Variants in TMEM230 observed in about 807,000 individuals in gnomAD.
TMEM230 encodes transmembrane protein 230, also known as UPF0414 transmembrane protein C20orf30.
Under a neutral mutation model 15.8 loss-of-function variants are expected in TMEM230, and 10 were observed. That is an observed-to-expected ratio of 0.63 (90% confidence interval 0.39 to 1.07). The LOEUF is 1.07. TMEM230 is among the 50% of genes least tolerant of loss of function. The probability of loss-of-function intolerance (pLI) is 0.01; values close to 1 mark genes in which losing one functional copy is unlikely to be tolerated. For synonymous variants in TMEM230, 67 were observed against 76.9 expected, an observed-to-expected ratio of 0.87 and a Z score of 0.68; for missense variants, 165 against 193.3, an observed-to-expected ratio of 0.85 and a Z score of 0.87.
intron 3 of TMEM230, among the ~76,000 whole-genome samples, chr20:5,076,522 A>AG (rs2089002500): frequency 6.6e-6 from 1 of 151,900 alleles, no homozygotes; most frequent in African/African-American, 2.4e-5. Flanking sequence ...GCCTGGCTGA[A>AG]AGTGAGACTC....
the TMEM230 span, among the ~76,000 whole-genome samples, chr20:5,060,159 G>C: frequency 6.6e-6 from 1 of 151,902 alleles, no homozygotes; most frequent in African/African-American, 2.4e-5. Context: ...CAATCCTCCC[G>C]CCTTGGCCTC....
chr20:5,098,567 A>G (rs1276917271), downstream of TMEM230: 1 of 152,148 alleles, frequency 6.6e-6, no homozygotes, highest in Admixed American at 6.5e-5. Context: ...CATAAATGAT[A>G]CTTCTGTAAC....
chr20:5,083,445 C>T (rs1328054527), intron 3 of TMEM230, among the ~76,000 whole-genome samples: 1 of 151,776 alleles, frequency 6.6e-6, no homozygotes, highest in East Asian at 1.9e-4. Flanking sequence ...GAATAGCTGT[C>T]GAATTTTGTC....
the TMEM230 span, among the ~76,000 whole-genome samples, chr20:5,060,063 C>A: frequency 6.6e-6 from 1 of 152,000 alleles, no homozygotes; most frequent in African/African-American, 2.4e-5. Context: ...TGAGCTACTG[C>A]TCCCAGCCAG....
intron 3 of TMEM230, among the ~76,000 whole-genome samples, chr20:5,093,844 G>T (rs1294272436): frequency 6.6e-6 from 1 of 151,176 alleles, no homozygotes. Flanking sequence ...AGCCTAAAAG[G>T]TCCCATTTAT....
At position 5,111,892 on chromosome 20, in the gene TMEM230, G is replaced by A. The variant is rs940381781; in HGVS notation, c.69-287C>T. On this transcript the variant is annotated intron_variant, in intron 1 of 4. Coordinates refer to ENST00000342308, the MANE Select transcript of TMEM230 (RefSeq NM_001009923.2). Reference sequence around the variant, plus strand: ...GACGGAGTCTCGCTCTGTCACCCAGGCTAGAGTTTAGGGACCCGATCTCAG... The same window carrying A: ...GACGGAGTCTCGCTCTGTCACCCAGACTAGAGTTTAGGGACCCGATCTCAG... 9.0e-6 allele frequency: 6 copies of A among 663,428 alleles called. No homozygotes were observed. In the African/African-American group the frequency reaches 1.2e-4, roughly 13 times the overall value. 41.1% of individuals were successfully genotyped at this position (663,428 alleles called of 1,614,324 possible). A position where few individuals can be genotyped will look rare whatever the true frequency, so the allele number is the denominator to read the frequency against.
chr20:5,060,080 T>C, the TMEM230 span, among the ~76,000 whole-genome samples: 1 of 152,036 alleles, frequency 6.6e-6, no homozygotes. Context: ...CCAGCTAATG[T>C]TTTTAATCTT....
chr20:5,110,583 G>A (rs1191554370), intron 2 of TMEM230, among the ~76,000 whole-genome samples: 1 of 152,144 alleles, frequency 6.6e-6, no homozygotes, highest in East Asian at 1.9e-4. Flanking sequence ...CGGGCCCCTT[G>A]TAAATTTGGA....
At chr20:5,059,121 G>T in the TMEM230 span, among the ~76,000 whole-genome samples, 1 of 151,980 alleles carries the variant, frequency 6.6e-6, no homozygotes, top group Non-Finnish European at 1.5e-5. Context: ...AAATCTAAGT[G>T]GCTCAAAACT....
At chr20:5,062,285 C>T in the TMEM230 span, among the ~76,000 whole-genome samples, 2 of 151,340 alleles carry the variant, frequency 1.3e-5, no homozygotes, top group African/African-American at 4.9e-5. Context: ...CCTGTAATCC[C>T]AGCACACTGG....
downstream of TMEM230, among the ~76,000 whole-genome samples, chr20:5,096,544 G>C (rs1454245845): frequency 6.6e-6 from 1 of 152,186 alleles, no homozygotes; most frequent in East Asian, 1.9e-4. Context: ...TGCTGTTACT[G>C]TCCTTCTACC....
At position 5,109,450 on chromosome 20, in the gene TMEM230, A is replaced by C; in HGVS notation, c.175-5T>G. ...CATCATAACACGCTGACACAGCTACAGTTTAAAAACAAAAAACCCGTTATT... is the reference window on the plus strand; with the variant it reads ...CATCATAACACGCTGACACAGCTACCGTTTAAAAACAAAAAACCCGTTATT... On this transcript the variant is annotated splice_region_variant and splice_polypyrimidine_tract_variant and intron_variant, in intron 2 of 4. Transcript: ENST00000342308. The C allele has an allele frequency of 6.2e-7, 1 of 1,611,934 alleles. No individual in the cohort carries two copies. Among genetic ancestry groups the C allele is most frequent in the Non-Finnish European group, 8.5e-7 (1 of 1,178,400 alleles).
At chr20:5,064,848 A>T (rs1030457364), downstream of TMEM230, among the ~76,000 whole-genome samples, 3 of 152,044 alleles carry the variant, frequency 2.0e-5, no homozygotes, top group Non-Finnish European at 2.9e-5. Flanking sequence ...AAGAAAGAAA[A>T]CCAAAGTACA....
downstream of TMEM230, among the ~76,000 whole-genome samples, chr20:5,096,162 A>G (rs147078027): frequency 2.0e-4 from 30 of 152,328 alleles, no homozygotes; most frequent in East Asian, 5.8e-3. Flanking sequence ...CAGCAGGTTC[A>G]AGATGGCAAC....
chr20:5,060,987 C>A, the TMEM230 span: 2 of 152,170 alleles, frequency 1.3e-5, no homozygotes, highest in Non-Finnish European at 2.9e-5. Flanking sequence ...TTTGTCAAAT[C>A]TTGGCATTGT....
chr20:5,089,943 T>TG (rs1354975363), intron 3 of TMEM230, among the ~76,000 whole-genome samples: 1 of 151,954 alleles, frequency 6.6e-6, no homozygotes, highest in East Asian at 1.9e-4. Context: ...CGCTTGAACC[T>TG]GGGGGGCGGA....
intron 3 of TMEM230, among the ~76,000 whole-genome samples, chr20:5,083,922 G>A (rs1193158755): frequency 1.3e-5 from 2 of 152,140 alleles, no homozygotes; most frequent in Non-Finnish European, 2.9e-5. Context: ...ATTATGTATC[G>A]TGGGGGTTTG....
At chr20:5,066,615 T>C (rs573463863), downstream of TMEM230, among the ~76,000 whole-genome samples, 1 of 145,988 alleles carries the variant, frequency 6.8e-6, no homozygotes, top group Non-Finnish European at 1.5e-5. Flanking sequence ...GAGGTTGCAG[T>C]GAGATTGTGC....
intron 3 of TMEM230, among the ~76,000 whole-genome samples, chr20:5,074,981 G>GT (rs200811214): frequency 2.0e-5 from 3 of 150,706 alleles, no homozygotes; most frequent in Non-Finnish European, 4.4e-5. Flanking sequence ...AATGTTATAT[G>GT]TTTTTTTACC....
Sources: gnomAD v4.1 joint callset for allele counts (sites outside exome capture counted in the v4.1 genomes callset) on GRCh38, gnomAD v4.1.1 for gene constraint, MANE v1.5 for transcripts, NCBI Gene and HGNC (gene_info 2026-07-23, HGNC 2026-07-21) for gene names.